The following GPHN variants were observed in gnomAD, a reference collection of about 807,000 sequenced individuals.
GPHN encodes gephyrin.
A neutral mutation model predicts 95.5 loss-of-function variants in GPHN; 17 were observed. The observed-to-expected ratio is 0.18, with a 90% confidence interval of 0.12 to 0.27. The LOEUF is 0.27. Among genes scored for constraint, GPHN ranks in the 10% least tolerant of loss-of-function variants. GPHN has a pLI of 1.00. For synonymous variants in GPHN, 320 were observed against 322.5 expected, an observed-to-expected ratio of 0.99 and a Z score of 0.08; for missense variants, 660 against 978.1, an observed-to-expected ratio of 0.67 and a Z score of 4.34.
At chr14:67,004,880 C>T (rs2072494465) in intron 9 of GPHN, among the ~76,000 whole-genome samples, 1 of 151,584 alleles carries the variant, frequency 6.6e-6, no homozygotes, top group South Asian at 2.1e-4. Flanking sequence ...GAGATAAAGG[C>T]AAGGCATGAC....
intron 1 of GPHN, among the ~76,000 whole-genome samples, chr14:66,654,243 C>T (rs529456570): frequency 5.9e-5 from 9 of 152,148 alleles, no homozygotes; most frequent in Non-Finnish European, 1.2e-4. Context: ...GCTGGGATTA[C>T]AGATGTGCGC....
At chr14:67,356,227 C>A in the GPHN span, among the ~76,000 whole-genome samples, 3 of 152,024 alleles carry the variant, frequency 2.0e-5, no homozygotes, top group Non-Finnish European at 4.4e-5. Context: ...CGAGACCACC[C>A]TGGCCAACAT....
chr14:67,562,380 T>C, the GPHN span: 3 of 1,613,542 alleles, frequency 1.9e-6, no homozygotes, highest in South Asian at 2.2e-5. Flanking sequence ...GGGGAAACAG[T>C]AGAGGCCAAG....
chr14:67,185,732 T>C (rs1212953528), downstream of GPHN, among the ~76,000 whole-genome samples: 1 of 152,224 alleles, frequency 6.6e-6, no homozygotes, highest in Admixed American at 6.5e-5. Context: ...AGCAGGTGGA[T>C]TCTTTTGGAT....
At chr14:67,088,547 T>C (rs116780536) in intron 11 of GPHN, among the ~76,000 whole-genome samples, 414 of 152,328 alleles carry the variant, frequency 2.7e-3, no homozygotes, top group African/African-American at 9.4e-3. Flanking sequence ...TTTCCATTTT[T>C]TCTATTGTAA....
intron 22 of GPHN, among the ~76,000 whole-genome samples, chr14:67,180,534 G>A (rs562214278): frequency 6.6e-6 from 1 of 152,144 alleles, no homozygotes; most frequent in East Asian, 1.9e-4. Flanking sequence ...AGCCTGAATT[G>A]AGAAATTCTA....
chr14:67,006,791 G>T (rs2072641745), intron 9 of GPHN, among the ~76,000 whole-genome samples: 1 of 152,104 alleles, frequency 6.6e-6, no homozygotes. Context: ...AGAAAAAAAG[G>T]ATGCCAGTGA....
intron 1 of GPHN, among the ~76,000 whole-genome samples, chr14:66,599,599 T>G (rs1446133148): frequency 1.3e-5 from 2 of 151,910 alleles, no homozygotes; most frequent in Non-Finnish European, 2.9e-5. Context: ...GTTGTTTTTG[T>G]TTTTGCCTTC....
chr14:67,195,727 G>A, the GPHN span, among the ~76,000 whole-genome samples: 4,425 of 151,242 alleles, frequency 0.029, 76 homozygotes, highest in Non-Finnish European at 0.035. Flanking sequence ...GTGTGTGTGT[G>A]TGTGTGTGTG....
intron 10 of GPHN, among the ~76,000 whole-genome samples, chr14:67,056,811 TGG>T (rs113249755): frequency 6.7e-5 from 7 of 103,876 alleles, no homozygotes; most frequent in African/African-American, 1.4e-4. Flanking sequence ...ACAGTGGGGG[TGG>T]GGGGGGGTCA....
At chr14:67,577,262 T>A in the GPHN span, 86 of 1,309,810 alleles carry the variant, frequency 6.6e-5, no homozygotes, top group Non-Finnish European at 8.8e-5. Flanking sequence ...CCCCTCTCAG[T>A]AGTAACTGCC....
the GPHN span, among the ~76,000 whole-genome samples, chr14:67,288,613 A>C: frequency 9.9e-5 from 15 of 152,080 alleles, no homozygotes; most frequent in Non-Finnish European, 2.9e-5. Flanking sequence ...TGCTTTTATA[A>C]TTTCTTTTTC....
intron 5 of GPHN, among the ~76,000 whole-genome samples, chr14:66,891,659 T>C (rs1273197004): frequency 3.3e-5 from 5 of 152,088 alleles, no homozygotes; most frequent in Non-Finnish European, 4.4e-5. Context: ...TTATCGATGT[T>C]GAAAATCTTT....
chr14:66,709,147 C>T (rs1235696794), intron 2 of GPHN, among the ~76,000 whole-genome samples: 1 of 152,090 alleles, frequency 6.6e-6, no homozygotes, highest in Non-Finnish European at 1.5e-5. Flanking sequence ...TTTCTGATGA[C>T]CACGTTTTTG....
chr14:66,916,152 C>T (rs750495936), intron 6 of GPHN, 83 bp downstream of exon 6: 3 of 811,864 alleles, frequency 3.7e-6, no homozygotes, highest in Non-Finnish European at 6.6e-6. Context: ...AGTTGGAGCA[C>T]TCCACAAGAC....
At chr14:67,176,226 C>T (rs985939564) in intron 21 of GPHN, among the ~76,000 whole-genome samples, 9 of 152,108 alleles carry the variant, frequency 5.9e-5, no homozygotes, top group African/African-American at 2.2e-4. Context: ...TCATAAATAG[C>T]TCCTATTATT....
chr14:66,887,384 T>C (rs2064249111), intron 5 of GPHN, among the ~76,000 whole-genome samples: 1 of 152,146 alleles, frequency 6.6e-6, no homozygotes, highest in African/African-American at 2.4e-5. Context: ...AGTCAGGAGA[T>C]TGAGACCATC....
At chr14:67,104,705 C>G (rs2077939654) in intron 13 of GPHN, among the ~76,000 whole-genome samples, 1 of 152,070 alleles carries the variant, frequency 6.6e-6, no homozygotes, top group Non-Finnish European at 1.5e-5. Context: ...TGTAATGCCT[C>G]CTTTTCCATT....
At chr14:67,718,635 T>G in the GPHN span, among the ~76,000 whole-genome samples, 1 of 152,246 alleles carries the variant, frequency 6.6e-6, no homozygotes, top group African/African-American at 2.4e-5. Context: ...CTGTCATCAC[T>G]GAACTTCAGG....
Sources: allele counts gnomAD v4.1 joint callset (sites outside exome capture counted in the v4.1 genomes callset), GRCh38; gene constraint gnomAD v4.1.1; transcripts MANE v1.5; gene names NCBI Gene and HGNC (gene_info 2026-07-23, HGNC 2026-07-21).